FRAS1: variants seen among roughly 807,000 people sequenced by gnomAD.
The protein encoded by FRAS1 is extracellular matrix organizing protein FRAS1.
FRAS1 carries 290 observed loss-of-function variants against 435.2 expected under a neutral mutation model. The ratio of observed to expected loss-of-function variants is 0.67; its 90% CI spans 0.61 to 0.73. The LOEUF is 0.73. Among genes scored for constraint, FRAS1 ranks in the 30% least tolerant of loss-of-function variants. FRAS1 has a pLI of 0.00. For missense variants in FRAS1, 4,860 were observed against 5,001.5 expected (o/e 0.97, Z 0.85); for synonymous variants, 1,800 against 1,851.0 (o/e 0.97, Z 0.71).
intron 15 of FRAS1, among the ~76,000 whole-genome samples, chr4:78,309,471 A>G (rs1206958041): frequency 6.6e-6 from 1 of 152,176 alleles, no homozygotes; most frequent in East Asian, 1.9e-4. Context: ...TCACAATTTC[A>G]TGAGGTAGAT....
chr4:78,260,696 T>C (rs1252933852), intron 6 of FRAS1, among the ~76,000 whole-genome samples: 1 of 152,148 alleles, frequency 6.6e-6, no homozygotes, highest in Non-Finnish European at 1.5e-5. Context: ...ACCCTTTATT[T>C]CCTTCTCCTG....
At chr4:78,492,469 A>G (rs1314234411) in intron 59 of FRAS1, among the ~76,000 whole-genome samples, 1 of 152,180 alleles carries the variant, frequency 6.6e-6, no homozygotes, top group Non-Finnish European at 1.5e-5. Flanking sequence ...GGAACAGAAC[A>G]GAGGCCTCAG....
chr4:78,430,118 G>T (rs1175711874), intron 36 of FRAS1, among the ~76,000 whole-genome samples, 174 bp from the exon 37 acceptor site: 1 of 152,208 alleles, frequency 6.6e-6, no homozygotes, highest in African/African-American at 2.4e-5. Context: ...TGTAGGAATT[G>T]ACTGTATTAT....
At position 78,074,692 on chromosome 4, in the gene FRAS1, G is replaced by C. The variant is rs368203350; in HGVS notation, c.108+8676G>C. On this transcript the variant is annotated intron_variant, in intron 2 of 73. Coordinates refer to ENST00000512123, the MANE Select transcript of FRAS1 (RefSeq NM_025074.7). Reference sequence around the variant, plus strand: ...TTGCCAGGGATTGGTTTAGGACTGAGTGTGACTTGTGGCCAATGAGATATG... The same window carrying C: ...TTGCCAGGGATTGGTTTAGGACTGACTGTGACTTGTGGCCAATGAGATATG... Among the ~76,000 whole-genome samples, 7 of 152,210 alleles carry C rather than the reference G, an allele frequency of 4.6e-5. No homozygotes were observed. The South Asian group carries it at 1.5e-3, about 32-fold the overall frequency.
chr4:78,234,881 A>G (rs887712367), intron 2 of FRAS1, among the ~76,000 whole-genome samples: 2 of 152,244 alleles, frequency 1.3e-5, no homozygotes, highest in African/African-American at 2.4e-5. Flanking sequence ...CAATGTTGGT[A>G]TATTAGTCTA....
intron 1 of FRAS1, among the ~76,000 whole-genome samples, chr4:78,058,348 C>T (rs1223401427): frequency 6.6e-6 from 1 of 151,966 alleles, no homozygotes; most frequent in Non-Finnish European, 1.5e-5. Flanking sequence ...GGTGGGTGGC[C>T]GATGGAGGTG....
At chr4:78,095,895 G>A (rs1741780439) in intron 2 of FRAS1, among the ~76,000 whole-genome samples, 1 of 152,136 alleles carries the variant, frequency 6.6e-6, no homozygotes, top group Non-Finnish European at 1.5e-5. Flanking sequence ...CAAATCTCAT[G>A]TCTTCACATT....
At chr4:78,099,769 A>G (rs553718483) in intron 2 of FRAS1, among the ~76,000 whole-genome samples, 1 of 152,316 alleles carries the variant, frequency 6.6e-6, no homozygotes, top group East Asian at 1.9e-4. Context: ...TTGGATATAA[A>G]TGAGGCTCAA....
At chr4:78,473,291 T>C in intron 52 of FRAS1, 147 bp from the exon 53 acceptor site, 1 of 558,768 alleles carries the variant, frequency 1.8e-6, no homozygotes, top group Non-Finnish European at 3.1e-6. Context: ...AAACATTTAT[T>C]TTAACAACTA....
chr4:78,226,690 T>G (rs994891680), intron 2 of FRAS1, among the ~76,000 whole-genome samples: 2 of 152,150 alleles, frequency 1.3e-5, no homozygotes, highest in African/African-American at 4.8e-5. Flanking sequence ...CTGATCAATA[T>G]TCATAGCAAT....
intron 2 of FRAS1, among the ~76,000 whole-genome samples, chr4:78,120,285 C>T (rs1166857720): frequency 1.3e-5 from 2 of 152,158 alleles, no homozygotes; most frequent in Non-Finnish European, 2.9e-5. Context: ...CCTCCAGAAT[C>T]GTGGCAGCAG....
At chr4:78,539,493 GAAAAAA>G in intron 73 of FRAS1, 53 bp downstream of exon 73, 2 of 976,582 alleles carry the variant, frequency 2.0e-6, no homozygotes, top group Non-Finnish European at 1.5e-6. Flanking sequence ...TTTAAAGCTT[GAAAAAA>G]AAAAAAAAAA....
At chr4:78,371,032 G>A (rs564553146) in intron 23 of FRAS1, among the ~76,000 whole-genome samples, 13 of 147,936 alleles carry the variant, frequency 8.8e-5, no homozygotes, top group East Asian at 4.0e-4. Context: ...ATTCTACTTC[G>A]TTGTCAACTT....
chr4:78,144,728 T>C (rs1245872351), intron 2 of FRAS1, among the ~76,000 whole-genome samples: 3 of 152,202 alleles, frequency 2.0e-5, no homozygotes, highest in Admixed American at 1.3e-4. Context: ...GTGTGTATTC[T>C]GTTCAGTAAT....
chr4:78,148,198 C>G (rs1293295895), intron 2 of FRAS1, among the ~76,000 whole-genome samples: 1 of 151,870 alleles, frequency 6.6e-6, no homozygotes, highest in Non-Finnish European at 1.5e-5. Context: ...TAATATGCTA[C>G]AAAGACTCGT....
intron 70 of FRAS1, 44 bp from the exon 71 acceptor site, chr4:78,534,405 C>G (rs1721818850): frequency 6.4e-7 from 1 of 1,570,672 alleles, no homozygotes; most frequent in Non-Finnish European, 8.7e-7. Flanking sequence ...ATATGCAAAG[C>G]TGACCCTGCT....
At chr4:78,065,081 T>TATATATACAC (rs762909923) in intron 1 of FRAS1, among the ~76,000 whole-genome samples, 2,628 of 125,560 alleles carry the variant, frequency 0.021, 55 homozygotes, top group Admixed American at 0.055. Context: ...TATATATATA[T>TATATATACAC]ATACATACAC....
At chr4:78,228,762 C>T (rs1267786364) in intron 2 of FRAS1, among the ~76,000 whole-genome samples, 1 of 152,164 alleles carries the variant, frequency 6.6e-6, no homozygotes, top group African/African-American at 2.4e-5. Context: ...GATCAACAGG[C>T]TTAGATTGTG....
At chr4:78,227,938 A>G (rs1724343745) in intron 2 of FRAS1, among the ~76,000 whole-genome samples, 1 of 152,138 alleles carries the variant, frequency 6.6e-6, no homozygotes, top group Non-Finnish European at 1.5e-5. Context: ...CCATCCATCA[A>G]CTCATTCAAA....
Sources: gnomAD v4.1 joint callset for allele counts (sites outside exome capture counted in the v4.1 genomes callset) on GRCh38, gnomAD v4.1.1 for gene constraint, MANE v1.5 for transcripts, NCBI Gene and HGNC (gene_info 2026-07-23, HGNC 2026-07-21) for gene names.